RNF150: variants seen among roughly 807,000 people sequenced by gnomAD.
RNF150 encodes the protein ring finger protein 150.
In RNF150, 24 loss-of-function variants were observed where a neutral mutation model predicts 39.3. That is an observed-to-expected ratio of 0.61 (90% CI 0.44 to 0.86). RNF150 has a LOEUF of 0.86. Among genes scored for constraint, RNF150 ranks in the 40% least tolerant of loss-of-function variants. The pLI, the probability that RNF150 is intolerant of heterozygous loss-of-function variation, is 0.00. For missense variants in RNF150, 502 were observed against 587.8 expected, an observed-to-expected ratio of 0.85 and a Z score of 1.51; for synonymous variants, 255 against 227.3, an observed-to-expected ratio of 1.12 and a Z score of -1.10.
intron 1 of RNF150, among the ~76,000 whole-genome samples, chr4:141,188,236 C>T (rs1244706747): frequency 3.9e-5 from 6 of 152,192 alleles, no homozygotes; most frequent in Non-Finnish European, 8.8e-5. Flanking sequence ...TGATGGGCTT[C>T]CCTTTGTGGG....
intron 1 of RNF150, among the ~76,000 whole-genome samples, chr4:141,203,314 A>C (rs928424166): frequency 6.7e-6 from 1 of 149,642 alleles, no homozygotes; most frequent in African/African-American, 2.5e-5. Context: ...GGAGATATAT[A>C]ATCTTGGAGA....
At chr4:140,944,001 T>C (rs1732190787) in intron 4 of RNF150, among the ~76,000 whole-genome samples, 1 of 152,200 alleles carries the variant, frequency 6.6e-6, no homozygotes, top group South Asian at 2.1e-4. Context: ...TAAGGACTTT[T>C]GGCCTGCCTA....
chr4:141,131,469 G>C (rs186984011), intron 1 of RNF150, among the ~76,000 whole-genome samples: 1 of 152,242 alleles, frequency 6.6e-6, no homozygotes, highest in African/African-American at 2.4e-5. Flanking sequence ...TGGCTTTTTT[G>C]GGGGGAGGGT....
At chr4:141,101,605 T>C (rs1244504705) in intron 1 of RNF150, among the ~76,000 whole-genome samples, 1 of 152,128 alleles carries the variant, frequency 6.6e-6, no homozygotes, top group African/African-American at 2.4e-5. Context: ...GTAACATAGC[T>C]TTATTATTAT....
chr4:141,167,854 A>C (rs1727630145), intron 1 of RNF150, among the ~76,000 whole-genome samples: 2 of 152,206 alleles, frequency 1.3e-5, no homozygotes, highest in African/African-American at 4.8e-5. Context: ...AAGAAAACCT[A>C]GGAAATACCA....
intron 1 of RNF150, among the ~76,000 whole-genome samples, chr4:141,157,909 C>T (rs747635456): frequency 1.3e-5 from 2 of 152,182 alleles, no homozygotes; most frequent in East Asian, 3.8e-4. Context: ...TGGCTCATAT[C>T]TCAGTCTTTT....
rs928973218 is a variant in RNF150 at position 141,206,185 on chromosome 4, C to T, written c.-6+6609G>A. On this transcript the variant is annotated intron_variant, in intron 1 of 7. Transcript: ENST00000420921. ...CTATAATCCTAGCACTTTGGGAGGCCGAGGCAGGTGGATTACCTGAGGTCA... is the reference window on the plus strand; with the variant it reads ...CTATAATCCTAGCACTTTGGGAGGCTGAGGCAGGTGGATTACCTGAGGTCA... Among the ~76,000 whole-genome samples, 8 of 151,810 alleles carry T rather than the reference C, an allele frequency of 5.3e-5. No homozygotes were observed. In the South Asian group the frequency reaches 1.5e-3, roughly 28 times the overall value.
chr4:141,153,051 A>C (rs1727326976), intron 1 of RNF150, among the ~76,000 whole-genome samples: 1 of 152,192 alleles, frequency 6.6e-6, no homozygotes, highest in South Asian at 2.1e-4. Context: ...TTAATTATGC[A>C]CTTTGCTTGC....
intron 1 of RNF150, among the ~76,000 whole-genome samples, chr4:141,149,479 A>G (rs1331357947): frequency 6.6e-6 from 1 of 152,212 alleles, no homozygotes; most frequent in Non-Finnish European, 1.5e-5. Context: ...GAGTGAGAAC[A>G]TATGATGTTT....
intron 1 of RNF150, among the ~76,000 whole-genome samples, chr4:141,106,264 A>T (rs1286873846): frequency 2.6e-5 from 4 of 152,156 alleles, no homozygotes; most frequent in Admixed American, 6.5e-5. Context: ...TCCCTAATTG[A>T]TTATAACCTT....
chr4:141,012,715 G>A (rs1201536921), intron 1 of RNF150, among the ~76,000 whole-genome samples: 4 of 137,152 alleles, frequency 2.9e-5, no homozygotes, highest in Admixed American at 8.4e-5. Flanking sequence ...CCCAGGAGGC[G>A]GATGATGCAG....
intron 2 of RNF150, among the ~76,000 whole-genome samples, chr4:140,957,552 A>G (rs1046757749): frequency 6.6e-6 from 1 of 152,240 alleles, no homozygotes; most frequent in African/African-American, 2.4e-5. Flanking sequence ...ATTACTGGGT[A>G]TATACCCAAA....
rs1730362535 is a variant in RNF150 at position 140,906,084 on chromosome 4, T to TA, written c.1198+5059dup. Reference sequence around the variant, plus strand: ...TTTTTTGGGGTATGTGTTTGCAACTTAGAGGGACCCTTAGAACTTAAAGGT... The same window carrying TA: ...TTTTTTGGGGTATGTGTTTGCAACTTAAGAGGGACCCTTAGAACTTAAAGGT... On this transcript the variant is annotated intron_variant, in intron 6 of 6. Coordinates refer to ENST00000515673, the MANE Select transcript of RNF150 (RefSeq NM_020724.2). 3.3e-5 allele frequency among the ~76,000 whole-genome samples: 5 copies of TA among 152,278 alleles called. No homozygotes were observed. The South Asian group carries it at 1.0e-3, about 32-fold the overall frequency.
intron 1 of RNF150, among the ~76,000 whole-genome samples, chr4:141,075,267 C>T (rs972171481): frequency 6.6e-6 from 1 of 152,236 alleles, no homozygotes; most frequent in African/African-American, 2.4e-5. Context: ...ATAGGCGATA[C>T]TTAAACAAAT....
chr4:140,912,373 C>T (rs1244610167), intron 5 of RNF150, among the ~76,000 whole-genome samples: 1 of 152,178 alleles, frequency 6.6e-6, no homozygotes, highest in Non-Finnish European at 1.5e-5. Context: ...ATTTCTTTTG[C>T]TCTGAACCTC....
At chr4:141,026,245 C>A (rs1735692540) in intron 1 of RNF150, among the ~76,000 whole-genome samples, 2 of 151,866 alleles carry the variant, frequency 1.3e-5, no homozygotes, top group Admixed American at 6.6e-5. Context: ...CACAGGAATC[C>A]CCAGAATGAA....
chr4:140,994,504 G>T (rs1468685363), intron 1 of RNF150, among the ~76,000 whole-genome samples: 1 of 152,008 alleles, frequency 6.6e-6, no homozygotes, highest in Non-Finnish European at 1.5e-5. Context: ...ACACACCACT[G>T]CCTATTTAAG....
rs556330329 is a variant in RNF150, at chr4:141,148,298, G to C, written c.-6+64496C>G. ...TCAGTGGTCTGTTACCCTGGACCTA[G>C]AATATAAACTATGCTTCCCTTTAAA... On this transcript the variant is annotated intron_variant, in intron 1 of 7. Coordinates refer to the RNF150 transcript ENST00000420921. 2.0e-5 allele frequency among the ~76,000 whole-genome samples: 3 copies of C among 152,284 alleles called. No homozygotes were observed. The East Asian group carries it at 5.8e-4, about 29-fold the overall frequency.
At chr4:141,099,184 C>G (rs1186746654) in intron 1 of RNF150, among the ~76,000 whole-genome samples, 15 of 152,002 alleles carry the variant, frequency 9.9e-5, no homozygotes. Flanking sequence ...TGAAAAAATA[C>G]TACTTTCCAA....
Sources: allele counts gnomAD v4.1 joint callset (sites outside exome capture counted in the v4.1 genomes callset), GRCh38; gene constraint gnomAD v4.1.1; transcripts MANE v1.5; gene names NCBI Gene and HGNC (gene_info 2026-07-23, HGNC 2026-07-21).